The following GRM5 variants were observed in gnomAD, a reference collection of about 807,000 sequenced individuals.
GRM5 encodes the protein glutamate metabotropic receptor 5.
In GRM5, 19 loss-of-function variants were observed where a neutral mutation model predicts 83.1. That is an observed-to-expected ratio of 0.23 (90% CI 0.16 to 0.34). GRM5 has a LOEUF of 0.34. Among genes scored for constraint, GRM5 ranks in the 10% least tolerant of loss-of-function variants. GRM5 has a pLI of 1.00. For missense variants in GRM5, 1,160 were observed against 1,588.3 expected, an observed-to-expected ratio of 0.73 and a Z score of 4.58; for synonymous variants, 675 against 633.6, an observed-to-expected ratio of 1.07 and a Z score of -0.98.
intron 3 of GRM5, among the ~76,000 whole-genome samples, chr11:88,655,423 A>G (rs1939742009): frequency 6.6e-6 from 1 of 152,116 alleles, no homozygotes; most frequent in South Asian, 2.1e-4. Context: ...TCTCCAAGGA[A>G]GTGGGAATTT....
intron 3 of GRM5, among the ~76,000 whole-genome samples, chr11:88,796,807 AAT>A (rs1943283645): frequency 6.6e-6 from 1 of 151,938 alleles, no homozygotes; most frequent in Non-Finnish European, 1.5e-5. Context: ...ATCATGAAGC[AAT>A]ATTGTTCTCT....
At chr11:88,967,953 G>C (rs1939037518) in intron 2 of GRM5, among the ~76,000 whole-genome samples, 1 of 152,098 alleles carries the variant, frequency 6.6e-6, no homozygotes. Flanking sequence ...CAAAAATAGA[G>C]TGACCATCAA....
At chr11:88,536,762 T>C (rs1312760774) in intron 8 of GRM5, among the ~76,000 whole-genome samples, 1 of 152,212 alleles carries the variant, frequency 6.6e-6, no homozygotes, top group Non-Finnish European at 1.5e-5. Flanking sequence ...GGTAGAATGC[T>C]GCACATTGCA....
intron 3 of GRM5, among the ~76,000 whole-genome samples, chr11:88,785,413 G>C (rs1306372764): frequency 6.6e-6 from 1 of 152,016 alleles, no homozygotes; most frequent in Non-Finnish European, 1.5e-5. Context: ...ACTTGATTTG[G>C]AGATGAATAG....
At chr11:89,054,318 A>G (rs1941825130) in intron 1 of GRM5, among the ~76,000 whole-genome samples, 1 of 152,164 alleles carries the variant, frequency 6.6e-6, no homozygotes, top group Non-Finnish European at 1.5e-5. Flanking sequence ...GGACGCCAAG[A>G]TTTTCAGCCC....
At chr11:88,889,141 A>G (rs316115) in intron 2 of GRM5, among the ~76,000 whole-genome samples, 143,663 of 152,224 alleles carry the variant, frequency 0.94, 67,844 homozygotes, top group South Asian at 0.97. Flanking sequence ...AAGTTAAGAG[A>G]TGGTCAAAAT....
chr11:88,668,316 C>A (rs1393767092), intron 3 of GRM5, among the ~76,000 whole-genome samples: 1 of 150,912 alleles, frequency 6.6e-6, no homozygotes, highest in African/African-American at 2.4e-5. Context: ...CACACACACA[C>A]ACACACACAC....
At chr11:88,584,724 A>T (rs1439529192) in intron 7 of GRM5, among the ~76,000 whole-genome samples, 2 of 152,186 alleles carry the variant, frequency 1.3e-5, no homozygotes, top group Admixed American at 1.3e-4. Context: ...GATTACAGGC[A>T]TGAGCCACTG....
intron 3 of GRM5, among the ~76,000 whole-genome samples, chr11:88,847,426 A>G (rs558255114): frequency 6.6e-6 from 1 of 152,340 alleles, no homozygotes; most frequent in South Asian, 2.1e-4. Context: ...AAAGTATTTG[A>G]TAAATGGTCC....
intron 3 of GRM5, among the ~76,000 whole-genome samples, chr11:88,675,771 T>G (rs994163966): frequency 6.6e-6 from 1 of 152,034 alleles, no homozygotes; most frequent in African/African-American, 2.4e-5. Flanking sequence ...CGTTGTCCCA[T>G]GTTTCTCACA....
intron 3 of GRM5, among the ~76,000 whole-genome samples, chr11:88,830,834 C>G (rs1943977127): frequency 6.6e-6 from 1 of 152,122 alleles, no homozygotes; most frequent in African/African-American, 2.4e-5. Context: ...TTCCACGTGC[C>G]TGGGGAGACC....
intron 2 of GRM5, among the ~76,000 whole-genome samples, chr11:89,013,691 T>A (rs188572013): frequency 7.4e-4 from 112 of 152,314 alleles, no homozygotes; most frequent in African/African-American, 2.6e-3. Flanking sequence ...TCATGTCAAC[T>A]CCCTGCTCAT....
At position 88,891,540 on chromosome 11, in the gene GRM5, T is replaced by C. The variant is rs537335904; in HGVS notation, c.662-41385A>G. On this transcript the variant is annotated intron_variant, in intron 2 of 9. Transcript: ENST00000305447. Reference sequence around the variant, plus strand: ...GGATTGCCAAAATGATGTCCAGTCTTAACTTATATTTTTGTGAATAATACC... The same window carrying C: ...GGATTGCCAAAATGATGTCCAGTCTCAACTTATATTTTTGTGAATAATACC... Among the ~76,000 whole-genome samples, 13 of 146,560 alleles carry C rather than the reference T, an allele frequency of 8.9e-5. 1 individual carries two copies. The South Asian group carries it at 2.7e-3, about 30-fold the overall frequency.
At chr11:88,572,566 A>G (rs1374380654) in intron 7 of GRM5, among the ~76,000 whole-genome samples, 1 of 152,182 alleles carries the variant, frequency 6.6e-6, no homozygotes, top group Non-Finnish European at 1.5e-5. Flanking sequence ...CTTTTGAATA[A>G]GGGATATTAT....
intron 2 of GRM5, among the ~76,000 whole-genome samples, chr11:88,867,650 G>C (rs1477167943): frequency 1.3e-5 from 2 of 151,436 alleles, no homozygotes; most frequent in Non-Finnish European, 3.0e-5. Context: ...AAAATCATAT[G>C]GGTGGTCCCT....
At chr11:88,827,255 C>A (rs1943908539) in intron 3 of GRM5, among the ~76,000 whole-genome samples, 1 of 152,190 alleles carries the variant, frequency 6.6e-6, no homozygotes, top group African/African-American at 2.4e-5. Context: ...CCCTCACCTA[C>A]TGACCTCATC....
intron 2 of GRM5, among the ~76,000 whole-genome samples, chr11:88,953,798 C>A (rs192630296): frequency 6.6e-6 from 1 of 152,078 alleles, no homozygotes; most frequent in East Asian, 1.9e-4. Context: ...AAGAATCACA[C>A]AATTGAGTGC....
At chr11:88,704,731 A>G (rs931806465) in intron 3 of GRM5, among the ~76,000 whole-genome samples, 3 of 152,020 alleles carry the variant, frequency 2.0e-5, no homozygotes, top group Non-Finnish European at 2.9e-5. Context: ...TGGAAAATGA[A>G]CAAATTAGGC....
intron 3 of GRM5, among the ~76,000 whole-genome samples, chr11:88,798,591 A>AT (rs1943326068): frequency 6.6e-6 from 1 of 152,044 alleles, no homozygotes; most frequent in East Asian, 1.9e-4. Flanking sequence ...AAAGTTATGT[A>AT]TTTTCCCCAG....
Sources: allele counts gnomAD v4.1 joint callset (sites outside exome capture counted in the v4.1 genomes callset), GRCh38; gene constraint gnomAD v4.1.1; transcripts MANE v1.5; gene names NCBI Gene and HGNC (gene_info 2026-07-23, HGNC 2026-07-21).